The following CLCA2 variants were observed in gnomAD, a reference collection of about 807,000 sequenced individuals.
The protein encoded by CLCA2 is calcium-activated chloride channel regulator 2.
CLCA2 carries 85 observed loss-of-function variants against 82.9 expected under a neutral mutation model. The observed-to-expected ratio is 1.03, with a 90% CI of 0.86 to 1.23. CLCA2 has a LOEUF of 1.23. Among genes scored for constraint, CLCA2 ranks in the 50% most tolerant of loss-of-function variants. CLCA2 has a pLI of 0.00. For synonymous variants in CLCA2, 421 were observed against 391.7 expected (o/e 1.07, Z -0.88); for missense variants, 1,089 against 1,124.8 (o/e 0.97, Z 0.45).
intron 12 of CLCA2, among the ~76,000 whole-genome samples, chr1:86,451,292 G>T (rs983167606): frequency 6.6e-6 from 1 of 152,088 alleles, no homozygotes; most frequent in African/African-American, 2.4e-5. Context: ...GATAGGAAGC[G>T]GTGGTTAAAG....
intron 13 of CLCA2, among the ~76,000 whole-genome samples, chr1:86,454,750 C>T (rs1304046945): frequency 6.6e-6 from 1 of 152,142 alleles, no homozygotes; most frequent in Non-Finnish European, 1.5e-5. Flanking sequence ...CAAGATGGCG[C>T]CACTGCACTC....
chr1:86,442,460 A>G (rs1481070698), intron 9 of CLCA2, among the ~76,000 whole-genome samples: 2 of 152,206 alleles, frequency 1.3e-5, no homozygotes, highest in African/African-American at 4.8e-5. Flanking sequence ...AACGTTCCCA[A>G]ACTTGCCCCC....
At chr1:86,425,526 A>C in intron 2 of CLCA2, 50 bp downstream of exon 2, 2 of 1,412,394 alleles carry the variant, frequency 1.4e-6, no homozygotes, top group African/African-American at 2.9e-5. Context: ...AAAAAACACC[A>C]AAATATACTG....
Position 86,432,494 on chromosome 1 carries a change from C to T in CLCA2, c.710C>T (p.Thr237Ile). 6.2e-7 allele frequency: 1 copy of T among 1,613,938 alleles called. No individual in the cohort carries two copies. Among genetic ancestry groups the T allele is most frequent in the South Asian group, 1.1e-5 (1 of 91,070 alleles). The part of the protein sequence containing the change: ...TFIYNSTQNA[T>I]ASIMFMQSLS... ...ATCTACAATAGCACCCAAAATGCAA[C>T]TGCATCAATAATGTTCATGCAAAGT... Residue 237 changes from threonine (T) to isoleucine (I), a missense_variant, in exon 5 of 14, where the codon ACT (threonine) becomes ATT (isoleucine). Transcript: ENST00000370565.
At position 86,424,224 on chromosome 1, in the gene CLCA2, G is replaced by A. The variant is rs749992287; in HGVS notation, c.-24G>A. The A allele has an allele frequency of 6.9e-6, 11 of 1,599,336 alleles. No homozygotes were observed. In the South Asian group the frequency reaches 1.2e-4, roughly 18 times the overall value. ...AATGTATGCAGCAGGCTCAGTGTGAGTGAACTGGAGGCTTCTCTACAACAT... is the reference window on the plus strand; with the variant it reads ...AATGTATGCAGCAGGCTCAGTGTGAATGAACTGGAGGCTTCTCTACAACAT... On this transcript the variant is annotated 5_prime_UTR_variant, in exon 1 of 14. It adds an upstream start codon to the 5' untranslated region. Coordinates refer to ENST00000370565, the MANE Select transcript of CLCA2 (RefSeq NM_006536.7).
At chr1:86,440,990 C>T (rs1662723174) in intron 8 of CLCA2, among the ~76,000 whole-genome samples, 1 of 152,104 alleles carries the variant, frequency 6.6e-6, no homozygotes, top group African/African-American at 2.4e-5. Flanking sequence ...AAATAAGGCA[C>T]AGAATAATTT....
rs141238556 is a variant in CLCA2 at position 86,444,787 on chromosome 1, A to G, written c.1713+776A>G. Among the ~76,000 whole-genome samples, 16 of 152,318 alleles carry G rather than the reference A, an allele frequency of 1.1e-4. No individual in the cohort carries two copies. In the East Asian group the frequency reaches 3.1e-3, roughly 29 times the overall value. On this transcript the variant is annotated intron_variant, in intron 10 of 13. Coordinates refer to ENST00000370565, the MANE Select transcript of CLCA2 (RefSeq NM_006536.7). ...TGAATCCTGAAAGTGAAAGGGAACC[A>G]CTGATGGTTCTAAGGAGAACTGTAA...
rs537265526 is a variant in CLCA2 at position 86,441,633 on chromosome 1, A to G, written c.1488+90A>G. On this transcript the variant is annotated intron_variant, in intron 9 of 13. Coordinates refer to ENST00000370565, the MANE Select transcript of CLCA2 (RefSeq NM_006536.7). Reference sequence around the variant, plus strand: ...ATCAACGAATTGTGCTACCTGCTTCATTAACCTTACTTGAATATGTAACAG... The same window carrying G: ...ATCAACGAATTGTGCTACCTGCTTCGTTAACCTTACTTGAATATGTAACAG... 5.7e-5 allele frequency: 47 copies of G among 818,930 alleles called. No homozygotes were observed. In the South Asian group the frequency reaches 7.4e-4, roughly 13 times the overall value. The allele number at this position is 818,930 out of a possible 1,614,324, so 50.7% of individuals were successfully genotyped here.
rs781093274 is a variant in CLCA2 at position 86,450,687 on chromosome 1, T to A, written c.2109T>A (p.Ser703=). Residue 703 remains serine, a synonymous_variant, in exon 12 of 14, where the codon TCT becomes TCA. Transcript: ENST00000370565. ...HSPSISTPAH[S]IPGSHAMYVP... is the part of the protein sequence containing the mutation. The stretch of plus-strand genomic sequence containing the variant: ...CCAGCATAAGCACCCCAGCCCACTC[T>A]ATTCCAGGGAGTCATGCTATGTATG... 1.2e-6 allele frequency: 2 copies of A among 1,613,004 alleles called. No homozygotes were observed. The highest frequency in any genetic ancestry group is 2.7e-5 in the African/African-American group (2 of 74,914).
In CLCA2 at chr1:86,450,635, G is replaced by A. The variant is rs1243047781; in HGVS notation, c.2057G>A (p.Ser686Asn). The change falls in exon 12 of 14, where the codon AGC (serine) becomes AAC (asparagine). Residue 686 changes from serine (S) to asparagine (N), a missense_variant. Coordinates refer to ENST00000370565, the MANE Select transcript of CLCA2 (RefSeq NM_006536.7). The part of the protein sequence containing the change: ...FFSFAANGRY[S>N]LKVHVNHSPS... ...TCCTTTGCTGCAAATGGTAGATATA[G>A]CTTGAAAGTGCATGTCAATCACTCT... 1 of 1,613,284 alleles carries A rather than the reference G, an allele frequency of 6.2e-7. No individual in the cohort carries two copies. Among genetic ancestry groups the A allele is most frequent in the Non-Finnish European group, 8.5e-7 (1 of 1,179,590 alleles).
chr1:86,443,930 T>C lies in CLCA2; in HGVS notation c.1632T>C (p.Asp544=). 1 of 1,613,782 alleles carries C rather than the reference T, an allele frequency of 6.2e-7. No individual in the cohort carries two copies. Residue 544 remains aspartate (D), a synonymous_variant, in exon 10 of 14, where the codon GAT becomes GAC. Coordinates refer to ENST00000370565, the MANE Select transcript of CLCA2 (RefSeq NM_006536.7). ...CTGAGATTATATTATTTGATCCTGA[T>C]GGACGAAAATACTACACAAATAATT... is the stretch of plus-strand genomic sequence containing the variant. The part of the protein sequence containing the change: ...GPPEIILFDP[D]GRKYYTNNFI...
Position 86,432,369 on chromosome 1 carries a change from G to A in CLCA2, c.585G>A (p.Arg195=), listed in dbSNP as rs780637019. ...INGQNQIKVT[R]CSSDITGIFV... ...TCCCAGTTTCTCTTTCCATTTTTAG[G>A]TGTTCATCTGACATCACAGGCATTT... The change falls in exon 5 of 14, where the codon AGG becomes AGA. Residue 195 remains arginine (R), a splice_region_variant and synonymous_variant. Transcript: ENST00000370565. The A allele has an allele frequency of 6.2e-7, 1 of 1,612,502 alleles. No homozygotes were observed. The highest frequency in any genetic ancestry group is 8.5e-7 in the Non-Finnish European group (1 of 1,179,690).
At chr1:86,447,372 C>T (rs1415003136) in intron 10 of CLCA2, 136 bp from the exon 11 acceptor site, 6 of 841,218 alleles carry the variant, frequency 7.1e-6, no homozygotes, top group East Asian at 5.0e-5. Flanking sequence ...CTTTTCCTGG[C>T]ATCTTTTTGT....
At chr1:86,448,299 G>A (rs1662896140) in intron 11 of CLCA2, 1 of 155,432 alleles carries the variant, frequency 6.4e-6, no homozygotes, top group Non-Finnish European at 1.4e-5. Context: ...TTGAAGAGAG[G>A]GCACAGCTCA....
At chr1:86,443,371 AT>A (rs1165120256) in intron 9 of CLCA2, among the ~76,000 whole-genome samples, 2 of 152,216 alleles carry the variant, frequency 1.3e-5, no homozygotes, top group African/African-American at 4.8e-5. Flanking sequence ...AAAACCCAAG[AT>A]TTTATTTCTT....
Position 86,432,579 on chromosome 1 carries a change from A to G in CLCA2, c.744+51A>G, listed in dbSNP as rs1481740569. 3 of 1,565,938 alleles carry G rather than the reference A, an allele frequency of 1.9e-6. No homozygotes were observed. The Admixed American group carries it at 5.6e-5, about 29-fold the overall frequency. Reference sequence around the variant, plus strand: ...CTCTTGCAGGATTCCTTCTCTTCCCATGTTTCAAGTATTTAAATTATAAGA... The same window carrying G: ...CTCTTGCAGGATTCCTTCTCTTCCCGTGTTTCAAGTATTTAAATTATAAGA... On this transcript the variant is annotated intron_variant, in intron 5 of 13. Coordinates refer to ENST00000370565, the MANE Select transcript of CLCA2 (RefSeq NM_006536.7).
intron 7 of CLCA2, 88 bp from the exon 8 acceptor site, chr1:86,440,060 G>T (rs1319653531): frequency 1.5e-6 from 2 of 1,338,984 alleles, no homozygotes; most frequent in African/African-American, 2.9e-5. Flanking sequence ...AGGAGCTACA[G>T]TGGGAATTTG....
At position 86,455,420 on chromosome 1, in the gene CLCA2, G is replaced by C. The variant is rs1663057070; in HGVS notation, c.2725G>C (p.Ala909Pro). ...DYLILKGVLT[A>P]MGLIGIICLI... ...TCTTATATTGAAAGGAGTTTTAACA[G>C]CAATGGGTTTGATAGGAATCATTTG... Residue 909 changes from alanine to proline, a missense_variant, in exon 14 of 14, where the codon GCA (alanine) becomes CCA (proline). Ala to Pro is a conservative substitution (Grantham distance 27). Coordinates refer to ENST00000370565, the MANE Select transcript of CLCA2 (RefSeq NM_006536.7). 1 of 1,605,504 alleles carries C rather than the reference G, an allele frequency of 6.2e-7. No homozygotes were observed. The highest frequency in any genetic ancestry group is 1.3e-5 in the African/African-American group (1 of 74,504).
At chr1:86,427,862 T>C (rs1381290576) in intron 2 of CLCA2, among the ~76,000 whole-genome samples, 4 of 152,138 alleles carry the variant, frequency 2.6e-5, no homozygotes, top group Non-Finnish European at 1.5e-5. Flanking sequence ...ATAACTTCAT[T>C]GGAATGATCG....
Sources: allele counts gnomAD v4.1 joint callset (sites outside exome capture counted in the v4.1 genomes callset), GRCh38; gene constraint gnomAD v4.1.1; transcripts MANE v1.5; gene names NCBI Gene and HGNC (gene_info 2026-07-23, HGNC 2026-07-21).